Variants in LSAMP observed in about 807,000 individuals in gnomAD.
The protein encoded by LSAMP is limbic system associated membrane protein, also known as limbic system-associated membrane protein.
A neutral mutation model predicts 38.6 loss-of-function variants in LSAMP; 7 were observed. The observed-to-expected ratio is 0.18, with a 90% confidence interval of 0.10 to 0.34. The LOEUF is 0.34. Ranked by LOEUF, LSAMP falls within the 10% of genes least tolerant of loss-of-function variation. The probability of loss-of-function intolerance (pLI) is 1.00; values close to 1 mark genes in which losing one functional copy is unlikely to be tolerated. For missense variants in LSAMP, 313 were observed against 420.0 expected (o/e 0.75, Z 2.23); for synonymous variants, 154 against 166.8 (o/e 0.92, Z 0.59).
intron 2 of LSAMP, among the ~76,000 whole-genome samples, chr3:116,038,416 G>T (rs777495119): frequency 1.3e-5 from 2 of 152,086 alleles, no homozygotes; most frequent in Non-Finnish European, 2.9e-5. Flanking sequence ...TATCAGTGAA[G>T]GCCAGAGACC....
intron 1 of LSAMP, among the ~76,000 whole-genome samples, chr3:116,109,999 G>T (rs941256034): frequency 6.6e-6 from 1 of 151,584 alleles, no homozygotes; most frequent in African/African-American, 2.4e-5. Context: ...AGAGATAAGA[G>T]GTAGGGGTGA....
intron 1 of LSAMP, among the ~76,000 whole-genome samples, chr3:116,379,935 G>A (rs1374099448): frequency 6.6e-6 from 1 of 151,974 alleles, no homozygotes. Flanking sequence ...TCTCTGATTT[G>A]GCAAACTATC....
intron 1 of LSAMP, among the ~76,000 whole-genome samples, chr3:116,394,102 T>C (rs1022652035): frequency 2.0e-5 from 3 of 152,206 alleles, no homozygotes; most frequent in African/African-American, 7.2e-5. Flanking sequence ...CTCTTTTTAT[T>C]GTGGAAAGCT....
intron 3 of LSAMP, among the ~76,000 whole-genome samples, chr3:116,009,215 A>T (rs1164465909): frequency 6.6e-6 from 1 of 152,188 alleles, no homozygotes; most frequent in East Asian, 1.9e-4. Context: ...CAATCTTCCA[A>T]ACTATTTTGT....
At chr3:115,932,802 C>T (rs1937602330) in intron 3 of LSAMP, among the ~76,000 whole-genome samples, 2 of 152,094 alleles carry the variant, frequency 1.3e-5, no homozygotes, top group South Asian at 4.1e-4. Flanking sequence ...AATTATTATT[C>T]AATTGTTTTC....
At chr3:116,306,339 A>G (rs769878162) in intron 1 of LSAMP, among the ~76,000 whole-genome samples, 8 of 152,052 alleles carry the variant, frequency 5.3e-5, no homozygotes, top group Non-Finnish European at 8.8e-5. Context: ...AAATTCTACA[A>G]AGGATAGTCA....
intron 1 of LSAMP, among the ~76,000 whole-genome samples, chr3:116,167,507 T>C (rs1218695945): frequency 6.6e-6 from 1 of 152,210 alleles, no homozygotes; most frequent in Non-Finnish European, 1.5e-5. Context: ...TAGCTGGCCT[T>C]TCTATCTGAT....
chr3:116,269,815 A>G (rs1037384691), intron 1 of LSAMP, among the ~76,000 whole-genome samples: 1 of 152,158 alleles, frequency 6.6e-6, no homozygotes, highest in East Asian at 1.9e-4. Flanking sequence ...ATTTGTGCTT[A>G]TGTACACACA....
At chr3:116,067,022 G>T (rs901298581) in intron 2 of LSAMP, among the ~76,000 whole-genome samples, 1 of 152,100 alleles carries the variant, frequency 6.6e-6, no homozygotes, top group African/African-American at 2.4e-5. Context: ...CAGCTTAGAA[G>T]TTCATTTATC....
intron 1 of LSAMP, among the ~76,000 whole-genome samples, chr3:116,207,947 T>G (rs1466391416): frequency 4.0e-5 from 6 of 148,892 alleles, no homozygotes; most frequent in Non-Finnish European, 9.0e-5. Context: ...AACGTTGGCC[T>G]GCCTTGCTAG....
intron 3 of LSAMP, among the ~76,000 whole-genome samples, chr3:115,870,820 G>A (rs1936012152): frequency 6.6e-6 from 1 of 152,132 alleles, no homozygotes; most frequent in Admixed American, 6.6e-5. Context: ...TTGTTCCCAG[G>A]AGAGATGCAG....
At chr3:116,291,831 T>C (rs1452427289) in intron 1 of LSAMP, among the ~76,000 whole-genome samples, 2 of 152,200 alleles carry the variant, frequency 1.3e-5, no homozygotes, top group East Asian at 1.9e-4. Context: ...AGAAGTTGCA[T>C]AAACCTGAAG....
At chr3:116,438,601 T>C (rs2049388091) in intron 1 of LSAMP, among the ~76,000 whole-genome samples, 1 of 152,198 alleles carries the variant, frequency 6.6e-6, no homozygotes, top group Non-Finnish European at 1.5e-5. Context: ...TATATATAAG[T>C]GCACAGAATT....
At chr3:116,369,376 C>G (rs963902617) in intron 1 of LSAMP, among the ~76,000 whole-genome samples, 1 of 152,192 alleles carries the variant, frequency 6.6e-6, no homozygotes, top group African/African-American at 2.4e-5. Flanking sequence ...AGAAGTATTC[C>G]TTCCAAGGAG....
chr3:116,219,424 C>A (rs1334105362), intron 1 of LSAMP, among the ~76,000 whole-genome samples: 1 of 152,194 alleles, frequency 6.6e-6, no homozygotes, highest in East Asian at 1.9e-4. Context: ...GGAGTGCTAA[C>A]TAGTATCTCT....
chr3:116,332,676 C>G (rs2047866276), intron 1 of LSAMP, among the ~76,000 whole-genome samples: 1 of 151,980 alleles, frequency 6.6e-6, no homozygotes, highest in Admixed American at 6.6e-5. Flanking sequence ...TGATTAAACT[C>G]TATAGTAAAA....
At chr3:115,924,430 A>C (rs10511352) in intron 3 of LSAMP, among the ~76,000 whole-genome samples, 11,350 of 152,256 alleles carry the variant, frequency 0.075, 570 homozygotes, top group Middle Eastern at 0.14. Context: ...CTCTAGGAAA[A>C]CAGTGAATAC....
At chr3:116,141,513 C>T (rs1381954882) in intron 1 of LSAMP, among the ~76,000 whole-genome samples, 1 of 151,992 alleles carries the variant, frequency 6.6e-6, no homozygotes, top group East Asian at 1.9e-4. Context: ...TCTACCTCCT[C>T]CCCCAAATCC....
intron 2 of LSAMP, among the ~76,000 whole-genome samples, chr3:116,045,340 C>T (rs1237377456): frequency 6.6e-6 from 1 of 152,014 alleles, no homozygotes; most frequent in East Asian, 1.9e-4. Context: ...ATTTCCTCAA[C>T]ATAAAAGTTT....
Sources: allele counts gnomAD v4.1 joint callset (sites outside exome capture counted in the v4.1 genomes callset), GRCh38; gene constraint gnomAD v4.1.1; transcripts MANE v1.5; gene names NCBI Gene and HGNC (gene_info 2026-07-23, HGNC 2026-07-21).